PDE9A: variants seen among roughly 807,000 people sequenced by gnomAD.
PDE9A encodes phosphodiesterase 9A.
In PDE9A, 60 loss-of-function variants were observed where a neutral mutation model predicts 87.4. The ratio of observed to expected loss-of-function variants is 0.69; its 90% CI spans 0.56 to 0.85. PDE9A has a LOEUF of 0.85. Among genes scored for constraint, PDE9A ranks in the 40% least tolerant of loss-of-function variants. The pLI is 0.00. For missense variants in PDE9A, 665 were observed against 779.0 expected (o/e 0.85, Z 1.74); for synonymous variants, 272 against 279.4 (o/e 0.97, Z 0.27).
At chr21:42,703,006 A>T (rs1436660966) in intron 4 of PDE9A, among the ~76,000 whole-genome samples, 2 of 152,336 alleles carry the variant, frequency 1.3e-5, no homozygotes, top group East Asian at 3.9e-4. Context: ...ATCCAAGAGG[A>T]AGCTATTTTT....
At chr21:42,687,870 C>T in intron 2 of PDE9A, 47 bp from the exon 3 acceptor site, 1 of 1,523,028 alleles carries the variant, frequency 6.6e-7, no homozygotes, top group Non-Finnish European at 9.1e-7. Context: ...AGTGTACATC[C>T]CAGAGCACAC....
intron 16 of PDE9A, chr21:42,768,724 A>G: frequency 1.0e-6 from 1 of 985,314 alleles, no homozygotes; most frequent in Admixed American, 6.1e-5. Context: ...TTAATACAAC[A>G]GCTTGATGAA....
chr21:42,684,437 C>T (rs1439097757), intron 1 of PDE9A, among the ~76,000 whole-genome samples: 1 of 152,232 alleles, frequency 6.6e-6, no homozygotes, highest in African/African-American at 2.4e-5. Context: ...ACGGGCATAG[C>T]CTGGGAGGCC....
At chr21:42,737,416 C>G (rs993568407) in intron 7 of PDE9A, among the ~76,000 whole-genome samples, 2 of 152,226 alleles carry the variant, frequency 1.3e-5, no homozygotes, top group African/African-American at 4.8e-5. Flanking sequence ...ACAGCTGCTT[C>G]TGCTATACAT....
At chr21:42,713,467 C>T (rs1602212350) in intron 4 of PDE9A, among the ~76,000 whole-genome samples, 1 of 152,214 alleles carries the variant, frequency 6.6e-6, no homozygotes, top group Non-Finnish European at 1.5e-5. Context: ...GATTTCCTAA[C>T]AATTCGTTAA....
intron 4 of PDE9A, among the ~76,000 whole-genome samples, chr21:42,711,574 C>A (rs2049348975): frequency 6.6e-6 from 1 of 152,056 alleles, no homozygotes; most frequent in African/African-American, 2.4e-5. Flanking sequence ...AGCCACCATG[C>A]CTGGCCCTAA....
chr21:42,680,382 G>C (rs148346571), intron 1 of PDE9A, among the ~76,000 whole-genome samples: 1 of 152,380 alleles, frequency 6.6e-6, no homozygotes, highest in African/African-American at 2.4e-5. Context: ...CAGGACAGCT[G>C]GCCGGCAGAG....
In PDE9A at chr21:42,762,221, G is replaced by C. The variant is rs759715806; in HGVS notation, c.1224G>C (p.Gly408=). The C allele has an allele frequency of 6.2e-7, 1 of 1,614,106 alleles. No homozygotes were observed. The highest frequency in any genetic ancestry group is 1.1e-5 in the South Asian group (1 of 91,082). ...CNIFSNIPPD[G]FKQIRQGMIT... ...TCTTCTCCAACATCCCACCTGATGG[G>C]TTCAAGCAGATCCGACAGGTGTGTG... Residue 408 remains glycine, a synonymous_variant, in exon 14 of 20, where the codon GGG becomes GGC. Transcript: ENST00000291539.
At chr21:42,710,950 G>A (rs1356703720) in intron 4 of PDE9A, among the ~76,000 whole-genome samples, 1 of 152,134 alleles carries the variant, frequency 6.6e-6, no homozygotes, top group Non-Finnish European at 1.5e-5. Context: ...ATCGCGCCTT[G>A]CACTCCAGCC....
At chr21:42,654,488 C>T (rs1372101985) in intron 1 of PDE9A, among the ~76,000 whole-genome samples, 1 of 152,092 alleles carries the variant, frequency 6.6e-6, no homozygotes, top group African/African-American at 2.4e-5. Context: ...CAGAATAGAC[C>T]CCCTTTGTTC....
In PDE9A at chr21:42,660,028, C is replaced by A. The variant is rs1461572935; in HGVS notation, c.69+6145C>A. On this transcript the variant is annotated intron_variant, in intron 1 of 19. Transcript: ENST00000291539. This position sits in a 1 kb window ranked among gnomAD's most constrained non-coding sequence, Gnocchi z 4.7. ...GGGCAGGGAGGCGGCAGGAACTGGG[C>A]CCCAGGGGGCCAAGACTTCCTGAGA... Among the ~76,000 whole-genome samples the A allele has an allele frequency of 6.6e-6, 1 of 152,212 alleles. No homozygotes were observed. Among genetic ancestry groups the A allele is most frequent in the East Asian group, 1.9e-4 (1 of 5,204 alleles).
rs763401345 is a variant in PDE9A, at chr21:42,716,033, T to C, written c.263-15737T>C. Among the ~76,000 whole-genome samples the C allele has an allele frequency of 2.4e-4, 36 of 151,920 alleles. 1 individual carries two copies. The highest frequency in any genetic ancestry group is 4.6e-4 in the Non-Finnish European group (31 of 67,934). On this transcript the variant is annotated intron_variant, in intron 4 of 19. Coordinates refer to ENST00000291539, the MANE Select transcript of PDE9A (RefSeq NM_002606.3). ...CCTCTTCAGGTTTTCTTTCACTTAC[T>C]AATATGTCTTTAAGATTCTTTTATG...
intron 1 of PDE9A, among the ~76,000 whole-genome samples, chr21:42,664,089 A>T (rs2057794388): frequency 6.6e-6 from 1 of 152,216 alleles, no homozygotes; most frequent in Non-Finnish European, 1.5e-5. Context: ...TTCTCGAGGC[A>T]TCTCCAGCTC....
intron 4 of PDE9A, among the ~76,000 whole-genome samples, chr21:42,699,408 C>T (rs1306388162): frequency 2.0e-5 from 3 of 152,368 alleles, no homozygotes; most frequent in South Asian, 4.1e-4. Flanking sequence ...AGTTGCAGGG[C>T]GGCATCCACT....
At chr21:42,735,927 A>G (rs776969892) in intron 7 of PDE9A, among the ~76,000 whole-genome samples, 20 of 152,332 alleles carry the variant, frequency 1.3e-4, no homozygotes, top group South Asian at 4.1e-4. Context: ...CCCATGTCGC[A>G]GGGAATTCTC....
chr21:42,664,818 T>C (rs866745846), intron 1 of PDE9A, among the ~76,000 whole-genome samples: 1 of 152,330 alleles, frequency 6.6e-6, no homozygotes, highest in South Asian at 2.1e-4. Flanking sequence ...AGACTCAGTT[T>C]CCTCTCGACT....
chr21:42,667,489 T>C (rs1435079941), intron 1 of PDE9A, among the ~76,000 whole-genome samples: 1 of 152,064 alleles, frequency 6.6e-6, no homozygotes, highest in Non-Finnish European at 1.5e-5. Flanking sequence ...CCCAGTTGCC[T>C]GCCCAGTATG....
At chr21:42,662,805 CCACACACA>C (rs145999655) in intron 1 of PDE9A, among the ~76,000 whole-genome samples, 1 of 139,512 alleles carries the variant, frequency 7.2e-6, no homozygotes, top group African/African-American at 2.8e-5. Flanking sequence ...CACACACACA[CCACACACA>C]CGCACACACA....
chr21:42,662,803 CACCA>C (rs1333206302), intron 1 of PDE9A, among the ~76,000 whole-genome samples: 2 of 142,566 alleles, frequency 1.4e-5, no homozygotes, highest in East Asian at 4.7e-4. Flanking sequence ...AGCACACACA[CACCA>C]CACACACGCA....
Sources: allele counts gnomAD v4.1 joint callset (sites outside exome capture counted in the v4.1 genomes callset), GRCh38; gene constraint gnomAD v4.1.1; non-coding constraint Gnocchi (gnomAD v3.1); transcripts MANE v1.5; gene names NCBI Gene and HGNC (gene_info 2026-07-23, HGNC 2026-07-21).